Variants in ANXA4 observed in about 807,000 individuals in gnomAD.
ANXA4 encodes the protein annexin A4, also known as 35-beta calcimedin.
In ANXA4, 39 loss-of-function variants were observed where a neutral mutation model predicts 49.8. That is an observed-to-expected ratio of 0.78 (90% CI 0.61 to 1.02). ANXA4 has a LOEUF of 1.02. ANXA4 is among the 50% of genes least tolerant of loss of function. The pLI is 0.00. For missense variants in ANXA4, 360 were observed against 410.1 expected, an observed-to-expected ratio of 0.88 and a Z score of 1.05; for synonymous variants, 134 against 152.5, an observed-to-expected ratio of 0.88 and a Z score of 0.89.
Position 69,825,436 on chromosome 2 carries a change from T to G in ANXA4, c.907-20T>G. ...TCATTTTAAAATCTATTTATCTAAC[T>G]TTGCTTCCCTATCGAACAGGGTGAC... is the stretch of plus-strand genomic sequence containing the variant. On this transcript the variant is annotated intron_variant, in intron 12 of 12. Coordinates refer to ENST00000394295, the MANE Select transcript of ANXA4 (RefSeq NM_001153.5). 2 of 1,595,986 alleles carry G rather than the reference T, an allele frequency of 1.3e-6. No homozygotes were observed. Among genetic ancestry groups the G allele is most frequent in the East Asian group, 4.5e-5 (2 of 44,444 alleles).
chr2:69,724,352 C>T (rs1022662144), intron 3 of ANXA4, among the ~76,000 whole-genome samples: 1 of 152,154 alleles, frequency 6.6e-6, no homozygotes, highest in African/African-American at 2.4e-5. Flanking sequence ...CTGGCAGAAG[C>T]AGGGAGGGCC....
chr2:69,743,411 T>A (rs1246480082), intron 1 of ANXA4, among the ~76,000 whole-genome samples: 1 of 151,772 alleles, frequency 6.6e-6, no homozygotes, highest in Non-Finnish European at 1.5e-5. Flanking sequence ...AGAGATGGGG[T>A]TTTAACATGT....
At chr2:69,779,157 C>CTT (rs1391662312) in intron 1 of ANXA4, among the ~76,000 whole-genome samples, 1 of 136,402 alleles carries the variant, frequency 7.3e-6, no homozygotes. Flanking sequence ...AGAATGAATC[C>CTT]TTTTTTTTTT....
chr2:69,803,232 G>C (rs1673296037), intron 3 of ANXA4, among the ~76,000 whole-genome samples: 1 of 151,482 alleles, frequency 6.6e-6, no homozygotes, highest in Non-Finnish European at 1.5e-5. Context: ...GGTCCCCAAG[G>C]TATGTAAACT....
chr2:69,746,827 GAA>G (rs60256709), intron 1 of ANXA4, among the ~76,000 whole-genome samples: 26 of 147,228 alleles, frequency 1.8e-4, no homozygotes, highest in East Asian at 3.9e-4. Context: ...ACAAACAAAT[GAA>G]AAAAAAAAAA....
chr2:69,764,207 G>T (rs1671414619), intron 1 of ANXA4, among the ~76,000 whole-genome samples: 1 of 152,154 alleles, frequency 6.6e-6, no homozygotes, highest in Admixed American at 6.5e-5. Flanking sequence ...GTTCCTGTGT[G>T]ATCAACCTGT....
chr2:69,813,767 T>TA (rs1259067349), intron 8 of ANXA4, among the ~76,000 whole-genome samples: 1 of 149,448 alleles, frequency 6.7e-6, no homozygotes, highest in Non-Finnish European at 1.5e-5. Flanking sequence ...TCTTTTTTTT[T>TA]TTTTTTTTTT....
intron 2 of ANXA4, among the ~76,000 whole-genome samples, chr2:69,693,238 A>T (rs1678035596): frequency 6.6e-6 from 1 of 152,138 alleles, no homozygotes. Context: ...TGGTCGGTGC[A>T]GTTCTTTGAA....
At chr2:69,813,334 C>T (rs1022676917) in intron 8 of ANXA4, among the ~76,000 whole-genome samples, 5 of 151,766 alleles carry the variant, frequency 3.3e-5, no homozygotes, top group African/African-American at 1.2e-4. Context: ...CTGCAACCTC[C>T]GCCTCCTGGG....
intron 2 of ANXA4, among the ~76,000 whole-genome samples, chr2:69,786,261 G>A (rs773359356): frequency 1.2e-4 from 19 of 152,050 alleles, no homozygotes; most frequent in South Asian, 6.2e-4. Context: ...CACCTCCCAC[G>A]TCAGTCCATC....
intron 2 of ANXA4, among the ~76,000 whole-genome samples, chr2:69,676,848 G>A (rs111230648): frequency 0.013 from 1,961 of 152,168 alleles, 44 homozygotes; most frequent in African/African-American, 0.044. Flanking sequence ...AGCCAAGATC[G>A]CATCACTGTA....
At chr2:69,792,552 CT>C (rs1172452463) in intron 3 of ANXA4, among the ~76,000 whole-genome samples, 1 of 151,748 alleles carries the variant, frequency 6.6e-6, no homozygotes, top group East Asian at 1.9e-4. Flanking sequence ...ATATAATGCC[CT>C]TTTGCATTTA....
chr2:69,679,263 A>C (rs1677515195), intron 2 of ANXA4, among the ~76,000 whole-genome samples: 1 of 145,884 alleles, frequency 6.9e-6, no homozygotes, highest in Non-Finnish European at 1.5e-5. Flanking sequence ...CAGCCTCCCA[A>C]GTAGATGGAC....
intron 2 of ANXA4, among the ~76,000 whole-genome samples, chr2:69,695,650 A>G (rs1003937063): frequency 6.6e-6 from 1 of 152,324 alleles, no homozygotes; most frequent in Non-Finnish European, 1.5e-5. Context: ...GACTGAAAGC[A>G]TGAGTTACCT....
intron 1 of ANXA4, among the ~76,000 whole-genome samples, chr2:69,765,921 C>T (rs988006869): frequency 2.0e-5 from 3 of 152,138 alleles, no homozygotes; most frequent in African/African-American, 4.8e-5. Flanking sequence ...CCTATGGCTT[C>T]GGGGGCAGCC....
At chr2:69,814,825 A>G (rs1300954544) in intron 8 of ANXA4, 3 of 148,340 alleles carry the variant, frequency 2.0e-5, no homozygotes, top group Admixed American at 1.4e-4. Context: ...GAGTTGGGCA[A>G]GTACCAGGAT....
intron 3 of ANXA4, among the ~76,000 whole-genome samples, chr2:69,792,170 A>G (rs1672722289): frequency 6.6e-6 from 1 of 152,216 alleles, no homozygotes; most frequent in Admixed American, 6.5e-5. Context: ...CCTGTTAAGT[A>G]TATTTAAAAT....
intron 1 of ANXA4, 125 bp from the exon 2 acceptor site, chr2:69,781,395 C>T (rs1672192887): frequency 2.7e-6 from 2 of 734,096 alleles, no homozygotes; most frequent in Non-Finnish European, 2.3e-6. Flanking sequence ...CAGTAACTGG[C>T]CTTTTGATTA....
intron 2 of ANXA4, among the ~76,000 whole-genome samples, chr2:69,694,197 G>A (rs1171074245): frequency 2.6e-5 from 4 of 152,040 alleles, no homozygotes; most frequent in Admixed American, 6.6e-5. Context: ...AGTGAATGGG[G>A]TGAATGGGAT....
Sources: gnomAD v4.1 joint callset for allele counts (sites outside exome capture counted in the v4.1 genomes callset) on GRCh38, gnomAD v4.1.1 for gene constraint, MANE v1.5 for transcripts, NCBI Gene and HGNC (gene_info 2026-07-23, HGNC 2026-07-21) for gene names.